The following SLCO5A1 variants were observed in gnomAD, a reference collection of about 807,000 sequenced individuals.
SLCO5A1 encodes solute carrier organic anion transporter family member 5A1.
In SLCO5A1, 39 loss-of-function variants were observed where a neutral mutation model predicts 65.1. The ratio of observed to expected loss-of-function variants is 0.60; its 90% CI spans 0.46 to 0.78. The LOEUF (loss-of-function observed/expected upper bound fraction) is 0.78, where lower values mean the gene tolerates loss of function less well. SLCO5A1 is among the 30% of genes least tolerant of loss of function. The probability of loss-of-function intolerance (pLI) is 0.00; values close to 1 mark genes in which losing one functional copy is unlikely to be tolerated. For synonymous variants in SLCO5A1, 438 were observed against 415.7 expected (o/e 1.05, Z -0.65); for missense variants, 1,029 against 1,069.4 (o/e 0.96, Z 0.53).
intron 2 of SLCO5A1, among the ~76,000 whole-genome samples, chr8:69,813,793 A>G (rs1192494854): frequency 6.6e-6 from 1 of 152,176 alleles, no homozygotes; most frequent in Non-Finnish European, 1.5e-5. Flanking sequence ...AATCTAAGAA[A>G]CCACTAGCCT....
intron 4 of SLCO5A1, among the ~76,000 whole-genome samples, chr8:69,739,275 C>T (rs910096848): frequency 4.0e-5 from 6 of 151,456 alleles, no homozygotes; most frequent in Admixed American, 1.3e-4. Context: ...TAAATTAAAA[C>T]GTCATATCCA....
intron 2 of SLCO5A1, among the ~76,000 whole-genome samples, chr8:69,830,412 C>G (rs1821108662): frequency 6.6e-6 from 1 of 152,124 alleles, no homozygotes; most frequent in South Asian, 2.1e-4. Context: ...AGGCTGGTCT[C>G]AAGTCCCTGG....
chr8:69,689,160 C>T (rs1017031818), intron 6 of SLCO5A1, among the ~76,000 whole-genome samples: 3 of 138,806 alleles, frequency 2.2e-5, no homozygotes, highest in South Asian at 2.7e-4. Flanking sequence ...CTGTTCATAT[C>T]CTTTGCCCAC....
intron 5 of SLCO5A1, among the ~76,000 whole-genome samples, chr8:69,718,997 C>T (rs1019571306): frequency 6.6e-6 from 1 of 152,150 alleles, no homozygotes. Flanking sequence ...GAAGGAGCAA[C>T]GTGAACACAG....
Position 69,778,723 on chromosome 8 carries a change from A to AT in SLCO5A1, c.908-16849dup, listed in dbSNP as rs774198809. ...TTGTGTAAAGTTAGGACAAATCAGT[A>AT]TTTTTTTACCTTGAAGAAGGCCTTT... is the stretch of plus-strand genomic sequence containing the variant. On this transcript the variant is annotated intron_variant, in intron 2 of 9. Coordinates refer to ENST00000260126, the MANE Select transcript of SLCO5A1 (RefSeq NM_030958.3). Among the ~76,000 whole-genome samples the AT allele has an allele frequency of 2.1e-3, 327 of 152,196 alleles. 2 individuals carry two copies. The highest frequency in any genetic ancestry group is 7.2e-3 in the African/African-American group (300 of 41,528).
chr8:69,698,934 T>C (rs1814609079), intron 6 of SLCO5A1, among the ~76,000 whole-genome samples: 1 of 152,296 alleles, frequency 6.6e-6, no homozygotes, highest in South Asian at 2.1e-4. Flanking sequence ...TCCCAGGATG[T>C]AAGTTATGTC....
chr8:69,766,410 C>T (rs188437670), intron 2 of SLCO5A1, among the ~76,000 whole-genome samples: 9 of 152,304 alleles, frequency 5.9e-5, no homozygotes, highest in African/African-American at 2.2e-4. Flanking sequence ...ACTCCCTGTT[C>T]CCTAGGCTCC....
intron 2 of SLCO5A1, chr8:69,794,405 C>A: frequency 2.2e-6 from 1 of 447,412 alleles, no homozygotes; most frequent in South Asian, 1.8e-5. Context: ...TAGACACCAT[C>A]AGGGTCCAAG....
At position 69,761,744 on chromosome 8, in the gene SLCO5A1, A is replaced by C. The variant is rs1306679016; in HGVS notation, c.1039T>G (p.Trp347Gly). ...TAAAAATTAGAAAACAGAACTTACC[A>C]GTTTCCAATGAAACGAGGGTCATTC... ...DQNDPRFIGN[W>G]WSGFLLCAIA... Residue 347 changes from tryptophan to glycine, a missense_variant and splice_region_variant, in exon 3 of 10, where the codon TGG (tryptophan) becomes GGG (glycine). Trp to Gly is a radical substitution (Grantham distance 184). Coordinates refer to ENST00000260126, the MANE Select transcript of SLCO5A1 (RefSeq NM_030958.3). 1 of 1,613,176 alleles carries C rather than the reference A, an allele frequency of 6.2e-7. No individual in the cohort carries two copies. The highest frequency in any genetic ancestry group is 2.2e-5 in the East Asian group (1 of 44,852).
chr8:69,832,414 G>C lies in SLCO5A1; in HGVS notation c.260C>G (p.Ser87Cys). The C allele has an allele frequency of 6.2e-7, 1 of 1,612,738 alleles. No homozygotes were observed. The highest frequency in any genetic ancestry group is 1.1e-5 in the South Asian group (1 of 90,952). The change falls in exon 2 of 10, where the codon TCC becomes TGC. Residue 87 changes from serine to cysteine, a missense_variant. By Grantham distance (112) the Ser-to-Cys change is moderately radical. This residue lies in a region of SLCO5A1 where 647 missense variants were observed against 647.5 expected (regional missense o/e 1.00). Transcript: ENST00000260126. The surrounding 1 kb of genome is among the most constrained non-coding windows in gnomAD (Gnocchi z 4.5). ...ACAGTCCCCGAGCCCCGCCGAAGTG[G>C]ACGGGGCAGAGGGACTGGGGGCCAA... ...NPLAPSPSAP[S>C]TSAGLGDCNH...
chr8:69,761,131 T>A (rs542501585), intron 3 of SLCO5A1, among the ~76,000 whole-genome samples: 1 of 152,322 alleles, frequency 6.6e-6, no homozygotes, highest in South Asian at 2.1e-4. Flanking sequence ...CACTCTGCTA[T>A]AAAGGAAGCA....
chr8:69,731,289 C>T (rs1389149838), intron 5 of SLCO5A1, among the ~76,000 whole-genome samples: 6 of 152,308 alleles, frequency 3.9e-5, no homozygotes, highest in Admixed American at 1.3e-4. Flanking sequence ...CATGAGCTAC[C>T]ACACCCAGCC....
At chr8:69,759,766 C>A (rs1407891839) in intron 3 of SLCO5A1, among the ~76,000 whole-genome samples, 2 of 152,202 alleles carry the variant, frequency 1.3e-5, no homozygotes, top group African/African-American at 4.8e-5. Flanking sequence ...CTGCCTCAGC[C>A]TCTCAAGTAG....
At chr8:69,694,288 T>C (rs1193479716) in intron 6 of SLCO5A1, among the ~76,000 whole-genome samples, 1 of 152,226 alleles carries the variant, frequency 6.6e-6, no homozygotes, top group Non-Finnish European at 1.5e-5. Context: ...ACTTCATTTC[T>C]AAGCCTCAGG....
At chr8:69,721,089 C>T (rs933918355) in intron 5 of SLCO5A1, among the ~76,000 whole-genome samples, 1 of 152,182 alleles carries the variant, frequency 6.6e-6, no homozygotes, top group Non-Finnish European at 1.5e-5. Context: ...GTGGCAAGTC[C>T]TGGCCAATGT....
chr8:69,671,930 A>G lies in SLCO5A1; in HGVS notation c.*939T>C, dbSNP rs1043379367. 7 of 152,222 alleles carry G rather than the reference A, an allele frequency of 4.6e-5. No homozygotes were observed. Among genetic ancestry groups the G allele is most frequent in the African/African-American group, 1.7e-4 (7 of 41,456 alleles). 9.4% of individuals were successfully genotyped at this position (152,222 alleles called of 1,614,324 possible). A position where few individuals can be genotyped will look rare whatever the true frequency, so the allele number is the denominator to read the frequency against. On this transcript the variant is annotated 3_prime_UTR_variant, in exon 10 of 10. Transcript: ENST00000260126. ...AGATTTGCCAGTGCTTTCAAGATGT[A>G]ACTAAAATACTCAGGTGGGACTTTT... is the stretch of plus-strand genomic sequence containing the variant.
chr8:69,683,510 T>C (rs1443300932), intron 6 of SLCO5A1, among the ~76,000 whole-genome samples: 1 of 152,094 alleles, frequency 6.6e-6, no homozygotes, highest in Non-Finnish European at 1.5e-5. Context: ...TGATGTACAT[T>C]GCACTCAATA....
At chr8:69,715,264 T>C (rs1586717599) in intron 5 of SLCO5A1, among the ~76,000 whole-genome samples, 1 of 152,262 alleles carries the variant, frequency 6.6e-6, no homozygotes, top group East Asian at 1.9e-4. Context: ...GCAGAGGAAA[T>C]TTCACAGGAG....
At position 69,832,082 on chromosome 8, in the gene SLCO5A1, G is replaced by A. The variant is rs1412158165; in HGVS notation, c.592C>T (p.Leu198=). 1 of 1,613,530 alleles carries A rather than the reference G, an allele frequency of 6.2e-7. No individual in the cohort carries two copies. The highest frequency in any genetic ancestry group is 8.5e-7 in the Non-Finnish European group (1 of 1,179,994). The change falls in exon 2 of 10, where the codon CTG becomes TTG. Residue 198 remains leucine, a synonymous_variant. Transcript: ENST00000260126. This position sits in a 1 kb window ranked among gnomAD's most constrained non-coding sequence, Gnocchi z 4.5. ...FGGRGRRPLW[L]AVGGLLIAFG... is the part of the protein sequence containing the mutation. ...GCGATGAGGAGTCCACCCACGGCCA[G>A]CCACAGGGGCCGCCGACCCCGGCCG...
Sources: allele counts gnomAD v4.1 joint callset (sites outside exome capture counted in the v4.1 genomes callset), GRCh38; gene constraint gnomAD v4.1.1; regional missense constraint gnomAD v4.1.1; non-coding constraint Gnocchi (gnomAD v3.1); transcripts MANE v1.5; gene names NCBI Gene and HGNC (gene_info 2026-07-23, HGNC 2026-07-21).